Variants in ADAMTS16 observed in about 807,000 individuals in gnomAD.
The protein encoded by ADAMTS16 is ADAM metallopeptidase with thrombospondin type 1 motif 16, also known as A disintegrin and metalloproteinase with thrombospondin motifs 16.
ADAMTS16 carries 94 observed loss-of-function variants against 145.8 expected under a neutral mutation model. The ratio of observed to expected loss-of-function variants is 0.64; its 90% CI spans 0.55 to 0.77. The LOEUF (loss-of-function observed/expected upper bound fraction) is 0.77, where lower values mean the gene tolerates loss of function less well. ADAMTS16 is among the 30% of genes least tolerant of loss of function. The pLI is 0.00. For missense variants in ADAMTS16, 1,585 were observed against 1,591.5 expected (o/e 1.00, Z 0.07); for synonymous variants, 659 against 604.3 (o/e 1.09, Z -1.33).
At chr5:5,306,385 T>A (rs1180915621) in intron 20 of ADAMTS16, 119 bp from the exon 21 acceptor site, 1 of 892,082 alleles carries the variant, frequency 1.1e-6, no homozygotes, top group Non-Finnish European at 1.7e-6. Context: ...GTCCAATAAT[T>A]TTCACTGAAT....
At chr5:5,245,058 T>A (rs1346705924) in intron 17 of ADAMTS16, among the ~76,000 whole-genome samples, 2 of 152,250 alleles carry the variant, frequency 1.3e-5, no homozygotes, top group African/African-American at 4.8e-5. Context: ...GTGGTTATTT[T>A]GATTAAGCAC....
At chr5:5,253,967 C>T (rs1367905868) in intron 17 of ADAMTS16, among the ~76,000 whole-genome samples, 1 of 152,208 alleles carries the variant, frequency 6.6e-6, no homozygotes, top group Non-Finnish European at 1.5e-5. Context: ...CAGGAAAGAG[C>T]TTGTGTCTTT....
At chr5:5,257,606 T>C (rs1737835286) in intron 17 of ADAMTS16, among the ~76,000 whole-genome samples, 2 of 152,206 alleles carry the variant, frequency 1.3e-5, no homozygotes, top group South Asian at 4.1e-4. Flanking sequence ...TCAGGGCAAA[T>C]GTGCATAAAG....
intron 3 of ADAMTS16, among the ~76,000 whole-genome samples, chr5:5,168,058 C>A (rs930656189): frequency 2.6e-5 from 4 of 152,056 alleles, no homozygotes; most frequent in African/African-American, 9.7e-5. Context: ...GTATGTTGGC[C>A]TGAAAGATGT....
intron 8 of ADAMTS16, among the ~76,000 whole-genome samples, chr5:5,193,247 G>A (rs1735714977): frequency 6.6e-6 from 1 of 152,018 alleles, no homozygotes; most frequent in African/African-American, 2.4e-5. Flanking sequence ...CGAAGGTTCT[G>A]CACCCTTTAG....
At chr5:5,270,633 T>C (rs1738431980) in intron 18 of ADAMTS16, among the ~76,000 whole-genome samples, 1 of 152,220 alleles carries the variant, frequency 6.6e-6, no homozygotes, top group African/African-American at 2.4e-5. Flanking sequence ...TGTCAACCCT[T>C]GGGGATTGTT....
chr5:5,273,638 G>C (rs779979788), intron 18 of ADAMTS16, among the ~76,000 whole-genome samples: 14 of 152,242 alleles, frequency 9.2e-5, no homozygotes, highest in Non-Finnish European at 2.9e-5. Context: ...ACCTCAATGT[G>C]CTGATTCTGA....
At chr5:5,200,301 T>C (rs1560946008) in intron 9 of ADAMTS16, 32 bp downstream of exon 9, 2 of 1,611,886 alleles carry the variant, frequency 1.2e-6, no homozygotes, top group Non-Finnish European at 1.7e-6. Context: ...CTTGTGATCT[T>C]TCGGGGCCTT....
In ADAMTS16 at chr5:5,181,148, A is replaced by G. The variant is rs556946394; in HGVS notation, c.502-896A>G. Among the ~76,000 whole-genome samples the G allele has an allele frequency of 9.3e-4, 142 of 152,324 alleles. 3 individuals carry two copies. The South Asian group carries it at 0.028, about 30-fold the overall frequency. On this transcript the variant is annotated intron_variant, in intron 3 of 22. Transcript: ENST00000274181. ...CACTGATATTGAAGAAATTCTTACA[A>G]GAAATATTTGGCGAGAATTCCCAAA...
chr5:5,149,034 C>A (rs143600593), intron 3 of ADAMTS16, among the ~76,000 whole-genome samples: 52 of 152,268 alleles, frequency 3.4e-4, no homozygotes, highest in African/African-American at 1.2e-3. Context: ...AACAAGCAGT[C>A]CTGGAGAAGA....
At chr5:5,237,235 C>T (rs762447161) in intron 14 of ADAMTS16, 136 bp downstream of exon 14, 55 of 860,292 alleles carry the variant, frequency 6.4e-5, no homozygotes, top group Middle Eastern at 2.6e-4. Context: ...GGGGAGAAAG[C>T]CAGAAGAACA....
intron 17 of ADAMTS16, among the ~76,000 whole-genome samples, chr5:5,250,738 C>CGTGT (rs1553994634): frequency 1.2e-5 from 1 of 82,066 alleles, no homozygotes; most frequent in African/African-American, 3.5e-5. Context: ...TGTGTGTGTG[C>CGTGT]GCGCACTCCT....
rs1224530580 is a variant in ADAMTS16 at position 5,215,864 on chromosome 5, GTA to G, written c.1605+6620_1605+6621del. Among the ~76,000 whole-genome samples, 184 of 57,984 alleles carry G rather than the reference GTA, an allele frequency of 3.2e-3. 1 individual carries two copies. Among genetic ancestry groups the G allele is most frequent in the Middle Eastern group, 0.019 (2 of 108 alleles). The allele number at this position is 57,984 out of a possible 152,430, so 38.0% of individuals were successfully genotyped here. The stretch of plus-strand genomic sequence containing the variant: ...GTGTATATATATATATATGTGGTGT[GTA>G]TGTGTATATATATATATATATATAT... On this transcript the variant is annotated intron_variant, in intron 10 of 22. Coordinates refer to ENST00000274181, the MANE Select transcript of ADAMTS16 (RefSeq NM_139056.4).
At chr5:5,159,409 T>G (rs968012954) in intron 3 of ADAMTS16, among the ~76,000 whole-genome samples, 2 of 152,216 alleles carry the variant, frequency 1.3e-5, no homozygotes, top group African/African-American at 4.8e-5. Flanking sequence ...CTCCTAGGGC[T>G]GAGTGAGTTT....
chr5:5,285,837 C>T (rs1170147595), intron 18 of ADAMTS16, among the ~76,000 whole-genome samples: 2 of 152,198 alleles, frequency 1.3e-5, no homozygotes, highest in African/African-American at 2.4e-5. Context: ...ATTCAACTCT[C>T]CAGTAATATC....
chr5:5,171,477 A>G (rs1735041070), intron 3 of ADAMTS16, among the ~76,000 whole-genome samples: 1 of 152,162 alleles, frequency 6.6e-6, no homozygotes, highest in Admixed American at 6.5e-5. Context: ...GATTGTTATC[A>G]TGAAGGAATG....
intron 6 of ADAMTS16, 31 bp downstream of exon 6, chr5:5,187,839 T>C (rs777156113): frequency 1.4e-6 from 2 of 1,390,554 alleles, no homozygotes; most frequent in Non-Finnish European, 2.0e-6. Context: ...TCTACTCTTT[T>C]TATTCCTAGA....
intron 4 of ADAMTS16, among the ~76,000 whole-genome samples, chr5:5,184,768 A>C (rs1735450948): frequency 6.6e-6 from 1 of 151,834 alleles, no homozygotes; most frequent in Non-Finnish European, 1.5e-5. Context: ...GGGTTTTCAG[A>C]GCCGAGGCCC....
In ADAMTS16 at chr5:5,186,167, G is replaced by A; in HGVS notation, c.879G>A (p.Glu293=). 1 of 1,614,116 alleles carries A rather than the reference G, an allele frequency of 6.2e-7. No homozygotes were observed. Among genetic ancestry groups the A allele is most frequent in the Non-Finnish European group, 8.5e-7 (1 of 1,180,044 alleles). The change falls in exon 5 of 23, where the codon GAG becomes GAA. Residue 293 remains glutamate, a synonymous_variant. Transcript: ENST00000274181. ...RSHRNEELNV[E]TLVVVDKKMM... ...ATAGAAATGAAGAACTGAACGTGGA[G>A]ACCTTGGTGGTGGTCGACAAAAAGA... is the stretch of plus-strand genomic sequence containing the variant.
Sources: allele counts gnomAD v4.1 joint callset (sites outside exome capture counted in the v4.1 genomes callset), GRCh38; gene constraint gnomAD v4.1.1; transcripts MANE v1.5; gene names NCBI Gene and HGNC (gene_info 2026-07-23, HGNC 2026-07-21).